The following CFAP95 variants were observed in gnomAD, a reference collection of about 807,000 sequenced individuals.
CFAP95 encodes the protein cilia and flagella associated protein 95.
the CFAP95 span, among the ~76,000 whole-genome samples, chr9:69,857,110 G>A: frequency 2.6e-5 from 4 of 152,178 alleles, no homozygotes; most frequent in Admixed American, 6.5e-5. Flanking sequence ...AGTGTGCATA[G>A]AAGTATTGAC....
the CFAP95 span, chr9:69,857,759 C>G: frequency 3.0e-5 from 18 of 601,396 alleles, no homozygotes; most frequent in South Asian, 1.3e-4. Flanking sequence ...AACTCCTGAG[C>G]GCAGGCAATC....
At chr9:69,823,588 C>T in the CFAP95 span, among the ~76,000 whole-genome samples, 1 of 152,122 alleles carries the variant, frequency 6.6e-6, no homozygotes, top group Admixed American at 6.5e-5. Flanking sequence ...TAACACATGG[C>T]CTGCCACATA....
chr9:69,856,984 A>G, the CFAP95 span, among the ~76,000 whole-genome samples: 1 of 149,004 alleles, frequency 6.7e-6, no homozygotes, highest in African/African-American at 2.5e-5. Flanking sequence ...CAGCTCTACA[A>G]TTTACTGTAA....
At chr9:69,895,369 C>CTGTGTGTGTGTG in the CFAP95 span, among the ~76,000 whole-genome samples, 2,942 of 107,720 alleles carry the variant, frequency 0.027, 88 homozygotes, top group African/African-American at 0.068. Context: ...CTCTCTCTCT[C>CTGTGTGTGTGTG]TGTGTGTGTG....
the CFAP95 span, among the ~76,000 whole-genome samples, chr9:69,863,791 A>C: frequency 6.6e-6 from 1 of 152,132 alleles, no homozygotes; most frequent in East Asian, 1.9e-4. Flanking sequence ...TTATGTTAAG[A>C]TCTTATTTCT....
chr9:69,838,132 T>G, the CFAP95 span, among the ~76,000 whole-genome samples: 1 of 152,216 alleles, frequency 6.6e-6, no homozygotes, highest in East Asian at 1.9e-4. Flanking sequence ...TTGGTGACTG[T>G]AGCCTTGTAG....
At chr9:69,847,623 T>C in the CFAP95 span, among the ~76,000 whole-genome samples, 1 of 152,214 alleles carries the variant, frequency 6.6e-6, no homozygotes, top group African/African-American at 2.4e-5. Flanking sequence ...CTTTGATTTC[T>C]TACATCTTAG....
At chr9:69,845,921 C>T in the CFAP95 span, among the ~76,000 whole-genome samples, 1 of 152,140 alleles carries the variant, frequency 6.6e-6, no homozygotes, top group East Asian at 1.9e-4. Flanking sequence ...GGGTCATCAG[C>T]CAGCATGTGG....
the CFAP95 span, among the ~76,000 whole-genome samples, chr9:69,896,519 A>C: frequency 1.3e-5 from 2 of 152,206 alleles, no homozygotes; most frequent in Non-Finnish European, 2.9e-5. Context: ...TCCCATGGCT[A>C]TTTCCCTGTA....
chr9:69,833,625 G>A, the CFAP95 span, among the ~76,000 whole-genome samples: 7 of 152,238 alleles, frequency 4.6e-5, no homozygotes, highest in East Asian at 1.2e-3. Flanking sequence ...CAATCTTGTC[G>A]ATCTCTTCTC....
the CFAP95 span, among the ~76,000 whole-genome samples, chr9:69,864,944 A>G: frequency 6.6e-6 from 1 of 152,158 alleles, no homozygotes; most frequent in Non-Finnish European, 1.5e-5. Flanking sequence ...AAGTTACCCT[A>G]TGGTGATGAT....
chr9:69,849,503 G>T, the CFAP95 span, among the ~76,000 whole-genome samples: 1 of 152,158 alleles, frequency 6.6e-6, no homozygotes, highest in Non-Finnish European at 1.5e-5. Context: ...ATTGGTGCCT[G>T]TATATAAGGA....
chr9:69,820,928 C>A, the CFAP95 span: 5 of 1,613,920 alleles, frequency 3.1e-6, no homozygotes, highest in Admixed American at 6.7e-5. Context: ...CAGGAAGCAA[C>A]ACTGGTTGGA....
chr9:69,880,159 T>C, the CFAP95 span, among the ~76,000 whole-genome samples: 1 of 152,202 alleles, frequency 6.6e-6, no homozygotes, highest in African/African-American at 2.4e-5. Context: ...TATACTCTTT[T>C]AGTTATTTTA....
the CFAP95 span, among the ~76,000 whole-genome samples, chr9:69,866,256 A>G: frequency 1.3e-5 from 2 of 152,316 alleles, no homozygotes; most frequent in Middle Eastern, 3.4e-3. Context: ...GAGGAGATTT[A>G]TCATGTGCTT....
the CFAP95 span, among the ~76,000 whole-genome samples, chr9:69,837,951 A>T: frequency 6.6e-6 from 1 of 152,134 alleles, no homozygotes; most frequent in Non-Finnish European, 1.5e-5. Context: ...TCTACATATG[A>T]CTAGCCAGTT....
chr9:69,874,620 C>CCA, the CFAP95 span, among the ~76,000 whole-genome samples: 1 of 152,208 alleles, frequency 6.6e-6, no homozygotes, highest in African/African-American at 2.4e-5. Context: ...GATTCTCTTC[C>CCA]TGTTGGCTTT....
At chr9:69,888,297 T>G in the CFAP95 span, among the ~76,000 whole-genome samples, 14 of 152,164 alleles carry the variant, frequency 9.2e-5, no homozygotes, top group African/African-American at 3.4e-4. Flanking sequence ...TGATTTATAT[T>G]TTTCTATTTA....
the CFAP95 span, among the ~76,000 whole-genome samples, chr9:69,885,681 G>A: frequency 6.6e-6 from 1 of 152,172 alleles, no homozygotes; most frequent in Non-Finnish European, 1.5e-5. Flanking sequence ...TTAATGGGGT[G>A]GAGGTTGGGA....
Sources: allele counts gnomAD v4.1 joint callset (sites outside exome capture counted in the v4.1 genomes callset), GRCh38; gene constraint gnomAD v4.1.1; transcripts MANE v1.5; gene names NCBI Gene and HGNC (gene_info 2026-07-23, HGNC 2026-07-21).